Variants in SEMA3C observed in about 807,000 individuals in gnomAD.
SEMA3C encodes semaphorin-3C.
Under a neutral mutation model 89.4 loss-of-function variants are expected in SEMA3C, and 47 were observed. The ratio of observed to expected loss-of-function variants is 0.53; its 90% CI spans 0.42 to 0.67. The LOEUF is 0.67. SEMA3C is among the 30% of genes least tolerant of loss of function. The probability of loss-of-function intolerance (pLI) is 0.00; values close to 1 mark genes in which losing one functional copy is unlikely to be tolerated. For synonymous variants in SEMA3C, 310 were observed against 320.2 expected, an observed-to-expected ratio of 0.97 and a Z score of 0.34; for missense variants, 839 against 929.1, an observed-to-expected ratio of 0.90 and a Z score of 1.26.
At chr7:80,835,241 G>C (rs1395097940) in intron 2 of SEMA3C, among the ~76,000 whole-genome samples, 2 of 152,058 alleles carry the variant, frequency 1.3e-5, no homozygotes, top group Non-Finnish European at 2.9e-5. Flanking sequence ...CCTTATCCCA[G>C]CAGGCTAGAC....
intron 2 of SEMA3C, among the ~76,000 whole-genome samples, chr7:80,853,102 C>T (rs999579858): frequency 6.6e-6 from 1 of 152,032 alleles, no homozygotes; most frequent in Non-Finnish European, 1.5e-5. Context: ...TGGCTTTTAT[C>T]CAAAAAACAG....
upstream of SEMA3C, among the ~76,000 whole-genome samples, chr7:80,919,798 C>T (rs371427016): frequency 5.5e-4 from 84 of 152,102 alleles, no homozygotes; most frequent in East Asian, 9.8e-3. Flanking sequence ...TGGTCTGGAT[C>T]TCTTGACCTA....
intron 13 of SEMA3C, among the ~76,000 whole-genome samples, chr7:80,764,000 G>T (rs1448117918): frequency 6.6e-6 from 1 of 152,126 alleles, no homozygotes; most frequent in African/African-American, 2.4e-5. Context: ...AATATAGTAG[G>T]AAACTTGCCA....
At chr7:80,915,460 T>C (rs779529101) in intron 2 of SEMA3C, among the ~76,000 whole-genome samples, 1 of 152,178 alleles carries the variant, frequency 6.6e-6, no homozygotes, top group Non-Finnish European at 1.5e-5. Flanking sequence ...TGTCAGTCAT[T>C]CTGCTATTTG....
intron 2 of SEMA3C, among the ~76,000 whole-genome samples, chr7:80,872,939 A>G (rs1043914615): frequency 6.6e-5 from 10 of 150,968 alleles, no homozygotes; most frequent in South Asian, 2.1e-4. Flanking sequence ...AAAAAAAAAA[A>G]AAAAGAAAGC....
At chr7:80,871,219 G>C (rs961044145) in intron 2 of SEMA3C, among the ~76,000 whole-genome samples, 1 of 152,184 alleles carries the variant, frequency 6.6e-6, no homozygotes, top group African/African-American at 2.4e-5. Context: ...GCGAGTAGGA[G>C]AGTTGGTAAA....
rs780344553 is a variant in SEMA3C, at chr7:80,789,395, C to A, written c.1265G>T (p.Arg422Leu). The A allele has an allele frequency of 2.5e-6, 4 of 1,614,000 alleles. No homozygotes were observed. The highest frequency in any genetic ancestry group is 1.1e-5 in the South Asian group (1 of 91,068). ...YPIHKRPLIV[R>L]IGTDYKYTKI... ...TGTATACTTGTAGTCAGTGCCAATA[C>A]GAACAATCAAAGGCCTTTTGTGGAT... The change falls in exon 12 of 18, where the codon CGT becomes CTT. Residue 422 changes from arginine to leucine, a missense_variant. Transcript: ENST00000265361.
At chr7:80,834,734 G>C (rs971425774) in intron 2 of SEMA3C, among the ~76,000 whole-genome samples, 2 of 152,010 alleles carry the variant, frequency 1.3e-5, no homozygotes, top group Non-Finnish European at 1.5e-5. Context: ...TTGGTTCCAG[G>C]ATACCCTACA....
chr7:80,768,786 TTGTG>T (rs36046400), intron 12 of SEMA3C, among the ~76,000 whole-genome samples: 1 of 150,048 alleles, frequency 6.7e-6, no homozygotes, highest in African/African-American at 2.4e-5. Context: ...AGGGCAAGAT[TTGTG>T]TGTGTGTGTG....
Position 80,751,343 on chromosome 7 carries a change from G to A in SEMA3C, c.1644-7C>T. ...ATCTTGTCTTCGGCTCCTCCTGCAAGTGCAGAAATACATAAAAGTGACTGA... is the reference window on the plus strand; with the variant it reads ...ATCTTGTCTTCGGCTCCTCCTGCAAATGCAGAAATACATAAAAGTGACTGA... On this transcript the variant is annotated splice_polypyrimidine_tract_variant and splice_region_variant and intron_variant, in intron 15 of 17. Transcript: ENST00000265361. The A allele has an allele frequency of 6.2e-7, 1 of 1,612,806 alleles. No individual in the cohort carries two copies.
At chr7:80,847,244 G>C (rs1790410910) in intron 2 of SEMA3C, 1 of 152,010 alleles carries the variant, frequency 6.6e-6, no homozygotes, top group Non-Finnish European at 1.5e-5. Context: ...CCATATTTTG[G>C]GTATTTGTCA....
intron 2 of SEMA3C, among the ~76,000 whole-genome samples, chr7:80,905,098 T>G (rs1188140556): frequency 6.6e-6 from 1 of 151,158 alleles, no homozygotes; most frequent in Non-Finnish European, 1.5e-5. Context: ...AGACATTTCT[T>G]GAGGTAATGT....
rs1791657504 is a variant in SEMA3C, at chr7:80,893,220, G to T, written c.103+23459C>A. ...AACAACTGCCCTGTCAGGGCAACTT[G>T]TCTCATCGTTTGGACAGTTCATGAG... On this transcript the variant is annotated intron_variant, in intron 2 of 17. Coordinates refer to ENST00000265361, the MANE Select transcript of SEMA3C (RefSeq NM_006379.5). Among the ~76,000 whole-genome samples the T allele has an allele frequency of 3.3e-5, 5 of 152,190 alleles. No homozygotes were observed. The South Asian group carries it at 1.0e-3, about 32-fold the overall frequency.
At chr7:80,846,262 G>A (rs1790386958) in intron 2 of SEMA3C, among the ~76,000 whole-genome samples, 1 of 152,122 alleles carries the variant, frequency 6.6e-6, no homozygotes, top group Admixed American at 6.5e-5. Flanking sequence ...AGAGCTATCT[G>A]TATTGTTTGG....
rs148491422 is a variant in SEMA3C, at chr7:80,860,269, A to T, written c.104-31524T>A. ...AATGGTATAAATTTATAATCATAAA[A>T]ATATTTTTAATAAAAGATTATAAAC... On this transcript the variant is annotated intron_variant, in intron 2 of 17. Coordinates refer to ENST00000265361, the MANE Select transcript of SEMA3C (RefSeq NM_006379.5). 5.6e-3 allele frequency among the ~76,000 whole-genome samples: 857 copies of T among 152,282 alleles called. 6 individuals are homozygous for T. The highest frequency in any genetic ancestry group is 9.6e-3 in the Non-Finnish European group (654 of 68,004).
chr7:80,880,216 C>A (rs911481509), intron 2 of SEMA3C, among the ~76,000 whole-genome samples: 1 of 152,180 alleles, frequency 6.6e-6, no homozygotes, highest in African/African-American at 2.4e-5. Flanking sequence ...CCACAGTCTG[C>A]CCTTTCCCCA....
At chr7:80,816,769 T>C (rs905635388) in intron 5 of SEMA3C, among the ~76,000 whole-genome samples, 5 of 152,238 alleles carry the variant, frequency 3.3e-5, no homozygotes, top group African/African-American at 1.2e-4. Context: ...GAAACGTATC[T>C]TTTGAAGTGA....
At chr7:80,821,308 G>C (rs913693118) in intron 4 of SEMA3C, among the ~76,000 whole-genome samples, 2 of 152,194 alleles carry the variant, frequency 1.3e-5, no homozygotes, top group Admixed American at 1.3e-4. Flanking sequence ...ACCTGTTTGA[G>C]ACCATATAGG....
At chr7:80,882,832 A>C (rs944895700) in intron 2 of SEMA3C, among the ~76,000 whole-genome samples, 2 of 152,044 alleles carry the variant, frequency 1.3e-5, no homozygotes, top group African/African-American at 4.8e-5. Flanking sequence ...ATATATAAAT[A>C]TTTTATTTGG....
Sources: gnomAD v4.1 joint callset for allele counts (sites outside exome capture counted in the v4.1 genomes callset) on GRCh38, gnomAD v4.1.1 for gene constraint, MANE v1.5 for transcripts, NCBI Gene and HGNC (gene_info 2026-07-23, HGNC 2026-07-21) for gene names.